The following CHRDL1 variants were observed in gnomAD, a reference collection of about 807,000 sequenced individuals.
CHRDL1 encodes the protein chordin-like protein 1.
A neutral mutation model predicts 40.9 loss-of-function variants in CHRDL1; 19 were observed. The ratio of observed to expected loss-of-function variants is 0.46; its 90% CI spans 0.32 to 0.68. The LOEUF (loss-of-function observed/expected upper bound fraction) is 0.68, where lower values mean the gene tolerates loss of function less well. CHRDL1 is among the 30% of genes least tolerant of loss of function. The pLI is 0.03. For missense variants in CHRDL1, 329 were observed against 352.1 expected, an observed-to-expected ratio of 0.93 and a Z score of 0.53; for synonymous variants, 136 against 123.4, an observed-to-expected ratio of 1.10 and a Z score of -0.68.
intron 1 of CHRDL1, 90 bp from the exon 2 acceptor site, chrX:110,792,305 T>TAAA: frequency 2.7e-6 from 1 of 375,240 alleles, no homozygotes; most frequent in South Asian, 5.4e-5. Context: ...CCTGCTAGAA[T>TAAA]AAAAAAAAAA....
chrX:110,738,973 A>G (rs1372971562), intron 4 of CHRDL1, among the ~76,000 whole-genome samples: 3 of 111,490 alleles, frequency 2.7e-5, no homozygotes, highest in African/African-American at 9.8e-5. Flanking sequence ...AATGTCATCT[A>G]TTTCACGTTC....
At chrX:110,685,174 C>G (rs746798456) in intron 9 of CHRDL1, among the ~76,000 whole-genome samples, 1 of 112,464 alleles carries the variant, frequency 8.9e-6, no homozygotes, top group South Asian at 3.7e-4. Flanking sequence ...AATTCAGTCA[C>G]AAGAAAATGG....
rs1428962664 is a variant in CHRDL1, at chrX:110,792,233, G to A, written c.-34-18C>T. The A allele has an allele frequency of 2.8e-6, 2 of 722,572 alleles. No individual in the cohort carries two copies. Among genetic ancestry groups the A allele is most frequent in the Non-Finnish European group, 4.2e-6 (2 of 471,492 alleles). The allele number at this position is 722,572 out of a possible 1,213,427, so 59.5% of individuals were successfully genotyped here. A position where few individuals can be genotyped will look rare whatever the true frequency, so the allele number is the denominator to read the frequency against. ...CCTTCAAGCTGTTGGGAAGAAAGCA[G>A]AAAAAAGACTTAACACAGATCTTCT... On this transcript the variant is annotated intron_variant, in intron 1 of 11. Transcript: ENST00000372042.
chrX:110,768,428 G>C (rs763310596), intron 2 of CHRDL1, among the ~76,000 whole-genome samples: 17 of 111,175 alleles, frequency 1.5e-4, no homozygotes, highest in Admixed American at 2.9e-4. Context: ...CTATCTGGGT[G>C]TATCTGGGTG....
chrX:110,744,659 A>G (rs750768566), intron 4 of CHRDL1, among the ~76,000 whole-genome samples: 9 of 111,399 alleles, frequency 8.1e-5, no homozygotes, highest in African/African-American at 2.9e-4. Flanking sequence ...AACATGCTGA[A>G]AAATTATATT....
chrX:110,790,082 A>G (rs1490107120), intron 2 of CHRDL1, among the ~76,000 whole-genome samples: 1 of 111,939 alleles, frequency 8.9e-6, no homozygotes, highest in East Asian at 2.8e-4. Context: ...GTGTTTGTGT[A>G]TGTGCATGCA....
At chrX:110,742,232 G>A (rs1027676558) in intron 4 of CHRDL1, among the ~76,000 whole-genome samples, 1 of 111,906 alleles carries the variant, frequency 8.9e-6, no homozygotes, top group Non-Finnish European at 1.9e-5. Flanking sequence ...AGGGCGCTAT[G>A]TCTGATGGCA....
intron 6 of CHRDL1, among the ~76,000 whole-genome samples, chrX:110,717,280 C>T (rs2070859731): frequency 8.9e-6 from 1 of 111,777 alleles, no homozygotes; most frequent in African/African-American, 3.3e-5. Flanking sequence ...TTCTGAAGCA[C>T]ACTAAAGTGT....
At chrX:110,770,430 C>T (rs1292733984) in intron 2 of CHRDL1, among the ~76,000 whole-genome samples, 5 of 110,405 alleles carry the variant, frequency 4.5e-5, no homozygotes, top group Admixed American at 1.9e-4. Flanking sequence ...GAAGGAAATT[C>T]GTATCACTAA....
chrX:110,721,613 T>C (rs896608272), intron 4 of CHRDL1, 83 bp from the exon 5 acceptor site: 16 of 816,010 alleles, frequency 2.0e-5, no homozygotes, highest in Admixed American at 4.7e-5. Flanking sequence ...GACGGGGCTG[T>C]ACTACATAGA....
chrX:110,715,830 T>C (rs948628216), intron 6 of CHRDL1, among the ~76,000 whole-genome samples: 12 of 112,610 alleles, frequency 1.1e-4, no homozygotes, highest in Non-Finnish European at 2.3e-4. Context: ...CTGCTCAGTA[T>C]GGACTTTCTT....
At chrX:110,737,201 T>C (rs761775521) in intron 4 of CHRDL1, among the ~76,000 whole-genome samples, 1 of 112,127 alleles carries the variant, frequency 8.9e-6, no homozygotes, top group African/African-American at 3.2e-5. Context: ...GCTTACCTCA[T>C]ATTAGCCTTA....
chrX:110,776,579 T>C (rs1207402264), intron 2 of CHRDL1, among the ~76,000 whole-genome samples: 1 of 111,483 alleles, frequency 9.0e-6, no homozygotes, highest in Non-Finnish European at 1.9e-5. Context: ...TTGCAGTTGC[T>C]GAAGAGAAAT....
At chrX:110,759,818 T>A in intron 3 of CHRDL1, 64 bp from the exon 4 acceptor site, 1 of 814,882 alleles carries the variant, frequency 1.2e-6, no homozygotes. Flanking sequence ...ATCAAGCCAG[T>A]TTGGGAAACA....
chrX:110,728,573 T>C (rs1253357698), intron 4 of CHRDL1, among the ~76,000 whole-genome samples: 1 of 111,876 alleles, frequency 8.9e-6, no homozygotes, highest in Non-Finnish European at 1.9e-5. Context: ...ACCGACATCA[T>C]TGAGCCCGTC....
chrX:110,759,628 A>G, intron 4 of CHRDL1, 33 bp downstream of exon 4: 1 of 989,559 alleles, frequency 1.0e-6, no homozygotes, highest in Non-Finnish European at 1.4e-6. Context: ...ATGGAGAACC[A>G]CAGCTAGGAA....
At chrX:110,793,677 C>G (rs749327047) in intron 1 of CHRDL1, among the ~76,000 whole-genome samples, 9 of 112,348 alleles carry the variant, frequency 8.0e-5, no homozygotes, top group African/African-American at 2.9e-4. Flanking sequence ...CCCAAGCCTC[C>G]AAAAGAGAAA....
intron 4 of CHRDL1, among the ~76,000 whole-genome samples, chrX:110,724,304 A>C (rs1210785778): frequency 8.9e-6 from 1 of 111,996 alleles, no homozygotes; most frequent in Admixed American, 9.4e-5. Flanking sequence ...GCAGGGTGAG[A>C]TTTTCCAGTG....
intron 4 of CHRDL1, among the ~76,000 whole-genome samples, chrX:110,743,736 A>C (rs1291037012): frequency 1.8e-5 from 2 of 111,984 alleles, no homozygotes; most frequent in African/African-American, 6.5e-5. Flanking sequence ...GGAAAGCAAA[A>C]CAAAAGAACA....
Sources: allele counts gnomAD v4.1 joint callset (sites outside exome capture counted in the v4.1 genomes callset), GRCh38; gene constraint gnomAD v4.1.1; transcripts MANE v1.5; gene names NCBI Gene and HGNC (gene_info 2026-07-23, HGNC 2026-07-21).